Variants in CAD observed in about 807,000 individuals in gnomAD.
The protein encoded by CAD is multifunctional protein CAD.
In CAD, 81 loss-of-function variants were observed where a neutral mutation model predicts 237.2. The observed-to-expected ratio is 0.34, with a 90% CI of 0.29 to 0.41. The LOEUF (loss-of-function observed/expected upper bound fraction) is 0.41. CAD is among the 10% of genes least tolerant of loss of function. The pLI is 1.00. For synonymous variants in CAD, 1,196 were observed against 1,162.8 expected (o/e 1.03, Z -0.58); for missense variants, 2,181 against 2,951.7 (o/e 0.74, Z 6.05).
chr2:27,237,682 G>T lies in CAD; in HGVS notation c.4564-36G>T. 1 of 1,594,016 alleles carries T rather than the reference G, an allele frequency of 6.3e-7. No homozygotes were observed. The highest frequency in any genetic ancestry group is 8.6e-7 in the Non-Finnish European group (1 of 1,168,078). On this transcript the variant is annotated intron_variant, in intron 28 of 43. Coordinates refer to ENST00000264705, the MANE Select transcript of CAD (RefSeq NM_004341.5). This position sits in a 1 kb window ranked among gnomAD's most constrained non-coding sequence, Gnocchi z 4.0. Reference sequence around the variant, plus strand: ...GCCAGGCTAGCCTGTGTGGGCATGGGTGCCAGTGAGCCTTACCTCTGTGTA... The same window carrying T: ...GCCAGGCTAGCCTGTGTGGGCATGGTTGCCAGTGAGCCTTACCTCTGTGTA...
At chr2:27,229,151 C>T (rs1479444555) in intron 15 of CAD, among the ~76,000 whole-genome samples, 2 of 151,092 alleles carry the variant, frequency 1.3e-5, no homozygotes, top group Non-Finnish European at 3.0e-5. Flanking sequence ...ATCTCTTAAC[C>T]TCGTGATCCG....
intron 6 of CAD, 58 bp from the exon 7 acceptor site, chr2:27,223,505 G>T: frequency 6.7e-7 from 1 of 1,493,028 alleles, no homozygotes; most frequent in Non-Finnish European, 9.3e-7. Flanking sequence ...GCTGGGGTAG[G>T]TTCAGTAGTG....
At position 27,225,976 on chromosome 2, in the gene CAD, T is replaced by C. The variant is rs533046566; in HGVS notation, c.1842+50T>C. The C allele has an allele frequency of 5.7e-6, 9 of 1,579,488 alleles. No homozygotes were observed. In the Admixed American group the frequency reaches 1.5e-4, roughly 26 times the overall value. On this transcript the variant is annotated intron_variant, in intron 12 of 43. Transcript: ENST00000264705. ...CGTCGTGTCAGGCAGGATGAGCTTT[T>C]GGAAGAGCAGAGGCCCAGGCCAAGG... is the stretch of plus-strand genomic sequence containing the variant.
Position 27,226,188 on chromosome 2 carries a change from G to T in CAD, c.1900G>T (p.Val634Leu). 1.2e-6 allele frequency: 2 copies of T among 1,614,146 alleles called. No homozygotes were observed. Among genetic ancestry groups the T allele is most frequent in the East Asian group, 2.2e-5 (1 of 44,880 alleles). ...LGIHTGESIV[V>L]APSQTLNDRE... ...CATCCACACTGGTGAGTCCATAGTGGTGGCCCCTAGCCAGACACTGAATGA... is the reference window on the plus strand; with the variant it reads ...CATCCACACTGGTGAGTCCATAGTGTTGGCCCCTAGCCAGACACTGAATGA... The change falls in exon 13 of 44, where the codon GTG becomes TTG. Residue 634 changes from valine to leucine, a missense_variant. Val to Leu is a conservative substitution (Grantham distance 32, BLOSUM62 1). Transcript: ENST00000264705.
In CAD at chr2:27,241,286, C is replaced by T. The variant is rs1676302578; in HGVS notation, c.5809-36C>T. 1 of 1,613,958 alleles carries T rather than the reference C, an allele frequency of 6.2e-7. No homozygotes were observed. Among genetic ancestry groups the T allele is most frequent in the Non-Finnish European group, 8.5e-7 (1 of 1,179,874 alleles). On this transcript the variant is annotated intron_variant, in intron 37 of 43. Coordinates refer to ENST00000264705, the MANE Select transcript of CAD (RefSeq NM_004341.5). This position sits in a 1 kb window ranked among gnomAD's most constrained non-coding sequence, Gnocchi z 4.6. ...GCTTTGAGGATTTGGAAAGCTGGGGCTAGGACCTTTCTAGCTAACTTGGGC... is the reference window on the plus strand; with the variant it reads ...GCTTTGAGGATTTGGAAAGCTGGGGTTAGGACCTTTCTAGCTAACTTGGGC...
At position 27,242,658 on chromosome 2, in the gene CAD, A is replaced by G. The variant is rs1217777973; in HGVS notation, c.6261A>G (p.Val2087=). 6.2e-7 allele frequency: 1 copy of G among 1,612,686 alleles called. No homozygotes were observed. The highest frequency in any genetic ancestry group is 8.5e-7 in the Non-Finnish European group (1 of 1,179,154). The part of the protein sequence containing the change: ...MVGDLKHGRT[V]HSLACLLTQY... Reference sequence around the variant, plus strand: ...GTGACCTGAAGCACGGACGCACAGTACATTCCCTGGCCTGCCTGCTCACCC... The same window carrying G: ...GTGACCTGAAGCACGGACGCACAGTGCATTCCCTGGCCTGCCTGCTCACCC... Residue 2087 remains valine, a synonymous_variant, in exon 41 of 44, where the codon GTA becomes GTG. Transcript: ENST00000264705. The surrounding 1 kb of genome is among the most constrained non-coding windows in gnomAD (Gnocchi z 6.4).
In CAD at chr2:27,222,595, G is replaced by T; in HGVS notation, c.572G>T (p.Arg191Leu). The T allele has an allele frequency of 6.2e-7, 1 of 1,614,122 alleles. No homozygotes were observed. The highest frequency in any genetic ancestry group is 8.5e-7 in the Non-Finnish European group (1 of 1,180,022). Residue 191 changes from arginine (R) to leucine (L), a missense_variant, in exon 5 of 44, where the codon CGA becomes CTA. Transcript: ENST00000264705. The part of the protein sequence containing the change: ...LDCGLKYNQI[R>L]CLCQRGAEVT... ...TGTGGCCTCAAGTATAATCAGATCC[G>T]ATGCCTCTGCCAGCGTGGGGCTGAG...
chr2:27,241,449 C>A lies in CAD; in HGVS notation c.5883+53C>A. 1 of 1,574,972 alleles carries A rather than the reference C, an allele frequency of 6.3e-7. No individual in the cohort carries two copies. The highest frequency in any genetic ancestry group is 8.7e-7 in the Non-Finnish European group (1 of 1,144,794). Reference sequence around the variant, plus strand: ...CAGGCCATCGCCTGCCCTTGGGCCGCATCAGCGCAGGGCCGCGCAGTGGTC... The same window carrying A: ...CAGGCCATCGCCTGCCCTTGGGCCGAATCAGCGCAGGGCCGCGCAGTGGTC... On this transcript the variant is annotated intron_variant, in intron 38 of 43. Transcript: ENST00000264705. The surrounding 1 kb of genome is among the most constrained non-coding windows in gnomAD (Gnocchi z 4.6).
Position 27,226,978 on chromosome 2 carries a change from T to C in CAD, c.2287+16T>C. 1 of 1,613,642 alleles carries C rather than the reference T, an allele frequency of 6.2e-7. No individual in the cohort carries two copies. The highest frequency in any genetic ancestry group is 8.5e-7 in the Non-Finnish European group (1 of 1,179,598). Reference sequence around the variant, plus strand: ...AAGAGCGTTGGTGAGACTCATGCCCTGGGCACCCCCATGGGGCCCCACCAT... The same window carrying C: ...AAGAGCGTTGGTGAGACTCATGCCCCGGGCACCCCCATGGGGCCCCACCAT... On this transcript the variant is annotated intron_variant, in intron 15 of 43. Transcript: ENST00000264705.
Position 27,238,150 on chromosome 2 carries a change from G to T in CAD, c.4823G>T (p.Arg1608Leu). The change falls in exon 30 of 44, where the codon CGC (arginine) becomes CTC (leucine). Residue 1608 changes from arginine to leucine, a missense_variant. This residue lies in a region of CAD where 478 missense variants were observed against 515.0 expected (regional missense o/e 0.93). Coordinates refer to ENST00000264705, the MANE Select transcript of CAD (RefSeq NM_004341.5). ...CTCATGGTGGCTCAGCTCACTCAGC[G>T]CTCAGTGCACATATGTCACGTGGCA... is the stretch of plus-strand genomic sequence containing the variant. ...AVLMVAQLTQRSVHICHVARK... is the reference protein window; with the variant it reads ...AVLMVAQLTQLSVHICHVARK... 1 of 1,614,152 alleles carries T rather than the reference G, an allele frequency of 6.2e-7. No individual in the cohort carries two copies.
chr2:27,236,763 C>A lies in CAD; in HGVS notation c.4329C>A (p.Ile1443=). Residue 1443 remains isoleucine (I), a synonymous_variant, in exon 27 of 44, where the codon ATC becomes ATA. Coordinates refer to ENST00000264705, the MANE Select transcript of CAD (RefSeq NM_004341.5). The surrounding 1 kb of genome is among the most constrained non-coding windows in gnomAD (Gnocchi z 4.1). The part of the protein sequence containing the change: ...TKLFVEALGQ[I]GPAPPLKVHV... Reference sequence around the variant, plus strand: ...TCCACTTGCAGGCCCTAGGCCAGATCGGGCCAGCCCCTCCTTTGAAGGTGC... The same window carrying A: ...TCCACTTGCAGGCCCTAGGCCAGATAGGGCCAGCCCCTCCTTTGAAGGTGC... 1 of 1,614,094 alleles carries A rather than the reference C, an allele frequency of 6.2e-7. No homozygotes were observed. Among genetic ancestry groups the A allele is most frequent in the South Asian group, 1.1e-5 (1 of 91,078 alleles).
In CAD at chr2:27,241,315, T is replaced by C. The variant is rs753777241; in HGVS notation, c.5809-7T>C. 1.2e-6 allele frequency: 2 copies of C among 1,614,008 alleles called. No homozygotes were observed. Among genetic ancestry groups the C allele is most frequent in the African/African-American group, 2.7e-5 (2 of 74,920 alleles). ...GACCTTTCTAGCTAACTTGGGCTCT[T>C]TCTTAGATGTCTCACCTGTTCAATG... On this transcript the variant is annotated splice_polypyrimidine_tract_variant and splice_region_variant and intron_variant, in intron 37 of 43. Coordinates refer to ENST00000264705, the MANE Select transcript of CAD (RefSeq NM_004341.5). The surrounding 1 kb of genome is among the most constrained non-coding windows in gnomAD (Gnocchi z 4.6).
chr2:27,228,284 C>A lies in CAD; in HGVS notation c.2287+1322C>A, dbSNP rs564957708. Among the ~76,000 whole-genome samples the A allele has an allele frequency of 3.3e-5, 5 of 152,206 alleles. No homozygotes were observed. In the East Asian group the frequency reaches 9.6e-4, roughly 29 times the overall value. ...TAGTTAAATGAGACTCTGTTTATGC[C>A]CACTTCTTAGAAGGTTGCTTAAACT... On this transcript the variant is annotated intron_variant, in intron 15 of 43. Coordinates refer to ENST00000264705, the MANE Select transcript of CAD (RefSeq NM_004341.5).
In CAD at chr2:27,240,066, C is replaced by A. The variant is rs149752808; in HGVS notation, c.5497-199C>A. 4.3e-4 allele frequency: 262 copies of A among 606,078 alleles called. 1 individual carries two copies. Among genetic ancestry groups the A allele is most frequent in the African/African-American group, 4.3e-3 (233 of 53,932 alleles). 37.5% of individuals were successfully genotyped at this position (606,078 alleles called of 1,614,324 possible). On this transcript the variant is annotated intron_variant, in intron 34 of 43. Transcript: ENST00000264705. This position sits in a 1 kb window ranked among gnomAD's most constrained non-coding sequence, Gnocchi z 4.6. The stretch of plus-strand genomic sequence containing the variant: ...GACCAGCCTAGCCAACATGGTGAAA[C>A]CCCATCTCTACTAAAAATAAAAAAA...
At position 27,236,979 on chromosome 2, in the gene CAD, C is replaced by T. The variant is rs1400992730; in HGVS notation, c.4396+149C>T. 1 of 704,304 alleles carries T rather than the reference C, an allele frequency of 1.4e-6. No homozygotes were observed. Among genetic ancestry groups the T allele is most frequent in the Admixed American group, 2.3e-5 (1 of 43,948 alleles). 43.6% of individuals were successfully genotyped at this position (704,304 alleles called of 1,614,324 possible). On this transcript the variant is annotated intron_variant, in intron 27 of 43. Coordinates refer to ENST00000264705, the MANE Select transcript of CAD (RefSeq NM_004341.5). This position sits in a 1 kb window ranked among gnomAD's most constrained non-coding sequence, Gnocchi z 4.1. ...CCAGAATGTTTCTCACTCTTTCATT[C>T]CTTAATCCACAGTGTCCACAGTGGC...
Position 27,233,979 on chromosome 2 carries a change from A to G in CAD, c.3400-29A>G, listed in dbSNP as rs201797765. On this transcript the variant is annotated intron_variant, in intron 21 of 43. Transcript: ENST00000264705. The surrounding 1 kb of genome is among the most constrained non-coding windows in gnomAD (Gnocchi z 6.3). ...GTAAGTGAGAGAAGAAAGTGGCCCT[A>G]TGTCCCACTGTCTGTGTCCCCCCGC... 2.3e-4 allele frequency: 372 copies of G among 1,597,268 alleles called. No individual in the cohort carries two copies. Among genetic ancestry groups the G allele is most frequent in the Middle Eastern group, 1.3e-3 (7 of 5,534 alleles).
intron 15 of CAD, among the ~76,000 whole-genome samples, chr2:27,227,909 GCGACTGCATAATTCAGCCGTGTATCTA>G (rs1210943640): frequency 8.5e-5 from 13 of 152,318 alleles, no homozygotes; most frequent in Non-Finnish European, 1.9e-4. Context: ...CCGTGTATCT[GCGACTGCATAATTCAGCCGTGTATCTA>G]CGACTGCATA....
At position 27,233,055 on chromosome 2, in the gene CAD, C is replaced by T; in HGVS notation, c.2906C>T (p.Thr969Ile). The change falls in exon 19 of 44, where the codon ACC becomes ATC. Residue 969 changes from threonine to isoleucine, a missense_variant. This residue lies in a region of CAD where 385 missense variants were observed against 535.1 expected (regional missense o/e 0.72). Coordinates refer to ENST00000264705, the MANE Select transcript of CAD (RefSeq NM_004341.5). The surrounding 1 kb of genome is among the most constrained non-coding windows in gnomAD (Gnocchi z 6.3). The part of the protein sequence containing the change: ...IQQLRKMGYK[T>I]IMVNYNPETV... ...TCCCTCTTGCAGATGGGATATAAGA[C>T]CATCATGGTGAACTATAACCCAGAG... is the stretch of plus-strand genomic sequence containing the variant. 6.2e-7 allele frequency: 1 copy of T among 1,610,742 alleles called. No homozygotes were observed. Among genetic ancestry groups the T allele is most frequent in the Non-Finnish European group, 8.5e-7 (1 of 1,176,906 alleles).
intron 2 of CAD, among the ~76,000 whole-genome samples, chr2:27,219,323 A>G (rs1372420756): frequency 4.0e-5 from 6 of 151,548 alleles, no homozygotes; most frequent in Admixed American, 3.3e-4. Flanking sequence ...ACGCTTATCT[A>G]TTGAGTAACA....
Sources: allele counts gnomAD v4.1 joint callset (sites outside exome capture counted in the v4.1 genomes callset), GRCh38; gene constraint gnomAD v4.1.1; regional missense constraint gnomAD v4.1.1; non-coding constraint Gnocchi (gnomAD v3.1); transcripts MANE v1.5; gene names NCBI Gene and HGNC (gene_info 2026-07-23, HGNC 2026-07-21).